Variants in CPNE8 observed in about 807,000 individuals in gnomAD.
CPNE8 encodes the protein copine-8.
Under a neutral mutation model 81.5 loss-of-function variants are expected in CPNE8, and 45 were observed. The ratio of observed to expected loss-of-function variants is 0.55; its 90% confidence interval spans 0.44 to 0.71. The LOEUF (loss-of-function observed/expected upper bound fraction) is 0.71, where lower values mean the gene tolerates loss of function less well. CPNE8 is among the 30% of genes least tolerant of loss of function. The pLI is 0.00. For missense variants in CPNE8, 594 were observed against 672.1 expected, an observed-to-expected ratio of 0.88 and a Z score of 1.28; for synonymous variants, 252 against 226.3, an observed-to-expected ratio of 1.11 and a Z score of -1.02.
At position 38,764,179 on chromosome 12, in the gene CPNE8, C is replaced by CA. The variant is rs1250572896; in HGVS notation, c.576-1964dup. 7.9e-5 allele frequency among the ~76,000 whole-genome samples: 12 copies of CA among 152,094 alleles called. No individual in the cohort carries two copies. The East Asian group carries it at 2.1e-3, about 27-fold the overall frequency. ...GGGGGAAAAGGCATTACAAGTAAGA[C>CA]AGAGGGGCAGACAGAGAAGACTCTT... On this transcript the variant is annotated intron_variant, in intron 8 of 19. Transcript: ENST00000331366.
intron 10 of CPNE8, among the ~76,000 whole-genome samples, chr12:38,756,039 CAA>C (rs60851774): frequency 4.9e-5 from 4 of 82,360 alleles, no homozygotes; most frequent in Non-Finnish European, 7.3e-5. Context: ...GACTCCGTCT[CAA>C]AAAAAAAAAA....
At chr12:38,832,300 G>A (rs1943300726) in intron 5 of CPNE8, among the ~76,000 whole-genome samples, 1 of 152,112 alleles carries the variant, frequency 6.6e-6, no homozygotes, top group Non-Finnish European at 1.5e-5. Flanking sequence ...TACACCACTG[G>A]ACTCTACAGA....
intron 13 of CPNE8, among the ~76,000 whole-genome samples, chr12:38,721,481 C>G (rs140097689): frequency 2.6e-5 from 4 of 152,172 alleles, no homozygotes; most frequent in African/African-American, 4.8e-5. Context: ...GGAGCTACCC[C>G]CTGAGGGTCT....
intron 6 of CPNE8, among the ~76,000 whole-genome samples, chr12:38,782,513 C>T (rs1167174129): frequency 6.6e-6 from 1 of 152,010 alleles, no homozygotes; most frequent in Non-Finnish European, 1.5e-5. Context: ...GGAAAGAGGG[C>T]ATAATTTTTC....
At chr12:38,870,652 G>A (rs1470109433) in intron 3 of CPNE8, among the ~76,000 whole-genome samples, 1 of 152,058 alleles carries the variant, frequency 6.6e-6, no homozygotes, top group Non-Finnish European at 1.5e-5. Context: ...GCGGGTGGGG[G>A]GCTAGGGGAG....
In CPNE8 at chr12:38,685,623, GA is replaced by G; in HGVS notation, c.1144-7del. ...GGGTTTTGAGGATTCCCATTCTGTA[GA>G]AATTTATAGGCAAAACAAAACAAAA... On this transcript the variant is annotated splice_polypyrimidine_tract_variant and splice_region_variant and intron_variant, in intron 15 of 19. Transcript: ENST00000331366. 1 of 1,606,376 alleles carries G rather than the reference GA, an allele frequency of 6.2e-7. No homozygotes were observed. The highest frequency in any genetic ancestry group is 8.5e-7 in the Non-Finnish European group (1 of 1,177,354).
In CPNE8 at chr12:38,722,728, T is replaced by C. The variant is rs560768865; in HGVS notation, c.914+1044A>G. ...TTTTATACTGCAAGACAACCAATGC[T>C]TTTTTTAAATCTCTGGGGATGATAT... On this transcript the variant is annotated intron_variant, in intron 13 of 19. Coordinates refer to ENST00000331366, the MANE Select transcript of CPNE8 (RefSeq NM_153634.3). Among the ~76,000 whole-genome samples, 14 of 152,296 alleles carry C rather than the reference T, an allele frequency of 9.2e-5. No homozygotes were observed. The East Asian group carries it at 2.1e-3, about 23-fold the overall frequency.
At chr12:38,701,408 G>T (rs1307994217) in intron 14 of CPNE8, among the ~76,000 whole-genome samples, 1 of 152,038 alleles carries the variant, frequency 6.6e-6, no homozygotes, top group Non-Finnish European at 1.5e-5. Flanking sequence ...TATCTTAGTT[G>T]TTGTGCTAGT....
At chr12:38,836,406 G>A (rs1168456246) in intron 5 of CPNE8, among the ~76,000 whole-genome samples, 2 of 152,072 alleles carry the variant, frequency 1.3e-5, no homozygotes, top group Non-Finnish European at 2.9e-5. Context: ...AATCTAAGGT[G>A]CAGTTCTATA....
intron 6 of CPNE8, among the ~76,000 whole-genome samples, chr12:38,798,592 A>T (rs1445588897): frequency 6.6e-6 from 1 of 152,160 alleles, no homozygotes; most frequent in Non-Finnish European, 1.5e-5. Context: ...CACTGCAAAA[A>T]CATGCCAAAT....
chr12:38,837,882 T>C (rs188205094), intron 5 of CPNE8, among the ~76,000 whole-genome samples: 2 of 152,120 alleles, frequency 1.3e-5, no homozygotes, highest in Non-Finnish European at 2.9e-5. Context: ...AAGATAAAAT[T>C]TTCTTATGAA....
chr12:38,703,997 G>A (rs1940022216), intron 13 of CPNE8, among the ~76,000 whole-genome samples: 1 of 152,106 alleles, frequency 6.6e-6, no homozygotes, highest in South Asian at 2.1e-4. Flanking sequence ...AATTAATGCA[G>A]GGACAGAAAG....
chr12:38,861,553 T>A (rs967930428), intron 3 of CPNE8, among the ~76,000 whole-genome samples: 1 of 152,084 alleles, frequency 6.6e-6, no homozygotes, highest in African/African-American at 2.4e-5. Flanking sequence ...TAATATTATT[T>A]AAAAAAGAAA....
intron 16 of CPNE8, 75 bp from the exon 17 acceptor site, chr12:38,677,629 A>T (rs1939320730): frequency 1.2e-6 from 1 of 806,712 alleles, no homozygotes; most frequent in Non-Finnish European, 2.1e-6. Flanking sequence ...AATTTGGAAT[A>T]GTTAACAAAC....
At chr12:38,746,672 GT>G (rs1329708056) in intron 10 of CPNE8, among the ~76,000 whole-genome samples, 4 of 152,152 alleles carry the variant, frequency 2.6e-5, no homozygotes, top group Non-Finnish European at 4.4e-5. Flanking sequence ...AATATTTTCA[GT>G]TTAAGGACCA....
At chr12:38,752,404 T>G (rs1941368828) in intron 10 of CPNE8, among the ~76,000 whole-genome samples, 1 of 152,206 alleles carries the variant, frequency 6.6e-6, no homozygotes, top group South Asian at 2.1e-4. Flanking sequence ...CACCATTTTC[T>G]GTGTGCCTGG....
chr12:38,664,858 TTAGGGGGCA>T (rs1341177330), intron 19 of CPNE8, among the ~76,000 whole-genome samples: 2 of 152,094 alleles, frequency 1.3e-5, no homozygotes, highest in African/African-American at 4.8e-5. Context: ...CATTTGGACA[TTAGGGGGCA>T]CTGCCCACAG....
At chr12:38,880,986 G>A (rs1367827604) in intron 1 of CPNE8, among the ~76,000 whole-genome samples, 1 of 152,042 alleles carries the variant, frequency 6.6e-6, no homozygotes, top group Non-Finnish European at 1.5e-5. Flanking sequence ...CAAGACGGGT[G>A]GATCACGAGG....
At chr12:38,673,762 G>A (rs917673435) in intron 18 of CPNE8, among the ~76,000 whole-genome samples, 30 of 151,756 alleles carry the variant, frequency 2.0e-4, no homozygotes, top group African/African-American at 7.3e-4. Context: ...TTTCTGCATG[G>A]AAAGAGGAAT....
Sources: allele counts gnomAD v4.1 joint callset (sites outside exome capture counted in the v4.1 genomes callset), GRCh38; gene constraint gnomAD v4.1.1; transcripts MANE v1.5; gene names NCBI Gene and HGNC (gene_info 2026-07-23, HGNC 2026-07-21).